The following CAPN1 variants were observed in gnomAD, a reference collection of about 807,000 sequenced individuals.
CAPN1 encodes the protein calpain-1 catalytic subunit.
In CAPN1, 77 loss-of-function variants were observed where a neutral mutation model predicts 105.2. That is an observed-to-expected ratio of 0.73 (90% CI 0.61 to 0.88). The LOEUF (loss-of-function observed/expected upper bound fraction) is 0.88, where lower values mean the gene tolerates loss of function less well. Among genes scored for constraint, CAPN1 ranks in the 40% least tolerant of loss-of-function variants. The pLI, the probability that CAPN1 is intolerant of heterozygous loss-of-function variation, is 0.00. For synonymous variants in CAPN1, 355 were observed against 388.8 expected (o/e 0.91, Z 1.02); for missense variants, 833 against 976.6 (o/e 0.85, Z 1.96).
chr11:65,191,947 T>C (rs1948724539), intron 10 of CAPN1, among the ~76,000 whole-genome samples: 2 of 152,344 alleles, frequency 1.3e-5, no homozygotes, highest in Middle Eastern at 3.4e-3. Flanking sequence ...TAATGAAGTT[T>C]AATATTGTTA....
intron 11 of CAPN1, 89 bp from the exon 12 acceptor site, chr11:65,205,621 T>C (rs1057442747): frequency 2.0e-5 from 27 of 1,330,760 alleles, no homozygotes; most frequent in Non-Finnish European, 2.8e-5. Flanking sequence ...CAGTCCCGTC[T>C]AAGAACTCAA....
intron 12 of CAPN1, 42 bp downstream of exon 12, chr11:65,205,763 G>C: frequency 6.2e-7 from 1 of 1,604,426 alleles, no homozygotes; most frequent in Non-Finnish European, 8.5e-7. Flanking sequence ...ACACACCCCT[G>C]ATGGTGCCAG....
chr11:65,195,380 C>A (rs1948779683), intron 10 of CAPN1, among the ~76,000 whole-genome samples: 1 of 152,106 alleles, frequency 6.6e-6, no homozygotes, highest in African/African-American at 2.4e-5. Context: ...CCCACGTCAG[C>A]CTCCCAAAGT....
intron 10 of CAPN1, among the ~76,000 whole-genome samples, chr11:65,194,413 T>G (rs529825268): frequency 6.6e-6 from 1 of 151,376 alleles, no homozygotes; most frequent in African/African-American, 2.5e-5. Flanking sequence ...TGATACATAG[T>G]GTTTTTGAAA....
chr11:65,210,237 C>G lies in CAPN1; in HGVS notation c.1943-99C>G. On this transcript the variant is annotated intron_variant, in intron 19 of 21. Coordinates refer to ENST00000279247, the MANE Select transcript of CAPN1 (RefSeq NM_005186.4). The surrounding 1 kb of genome is among the most constrained non-coding windows in gnomAD (Gnocchi z 4.3). ...TCCTTTTCCCCACGGTTACTAGCACCCTGCCTAGCCCCAGCCCCCTCCTGG... is the reference window on the plus strand; with the variant it reads ...TCCTTTTCCCCACGGTTACTAGCACGCTGCCTAGCCCCAGCCCCCTCCTGG... 2 of 1,125,564 alleles carry G rather than the reference C, an allele frequency of 1.8e-6. No homozygotes were observed. Among genetic ancestry groups the G allele is most frequent in the Non-Finnish European group, 1.3e-6 (1 of 754,592 alleles). The allele number at this position is 1,125,564 out of a possible 1,614,324, so 69.7% of individuals were successfully genotyped here. A position where few individuals can be genotyped will look rare whatever the true frequency, so the allele number is the denominator to read the frequency against.
Position 65,209,267 on chromosome 11 carries a change from G to A in CAPN1, c.1730-56G>A. ...TCTGCCCCACCCAGTGCTCCCAGCAGGGGCAGGTGCAGGAAGCTCACTAGG... is the reference window on the plus strand; with the variant it reads ...TCTGCCCCACCCAGTGCTCCCAGCAAGGGCAGGTGCAGGAAGCTCACTAGG... On this transcript the variant is annotated intron_variant, in intron 16 of 21. Coordinates refer to ENST00000279247, the MANE Select transcript of CAPN1 (RefSeq NM_005186.4). The surrounding 1 kb of genome is among the most constrained non-coding windows in gnomAD (Gnocchi z 4.1). The A allele has an allele frequency of 6.9e-7, 1 of 1,441,188 alleles. No homozygotes were observed. Among genetic ancestry groups the A allele is most frequent in the Non-Finnish European group, 9.7e-7 (1 of 1,031,956 alleles). 89.3% of individuals were successfully genotyped at this position (1,441,188 alleles called of 1,614,324 possible).
At chr11:65,197,133 T>G (rs1948802156) in intron 10 of CAPN1, among the ~76,000 whole-genome samples, 2 of 152,224 alleles carry the variant, frequency 1.3e-5, no homozygotes, top group African/African-American at 4.8e-5. Flanking sequence ...TCTCAGCCAG[T>G]ACGCTATTCT....
At chr11:65,185,650 G>C (rs573425358) in intron 4 of CAPN1, among the ~76,000 whole-genome samples, 1 of 150,218 alleles carries the variant, frequency 6.7e-6, no homozygotes, top group Non-Finnish European at 1.5e-5. Flanking sequence ...CATGTATCTA[G>C]TATATCTGTA....
At position 65,206,771 on chromosome 11, in the gene CAPN1, T is replaced by C. The variant is rs773572903; in HGVS notation, c.1566-9T>C. 2.3e-5 allele frequency: 37 copies of C among 1,612,384 alleles called. No individual in the cohort carries two copies. The South Asian group carries it at 4.0e-4, about 17-fold the overall frequency. On this transcript the variant is annotated splice_polypyrimidine_tract_variant and intron_variant, in intron 13 of 21. Coordinates refer to ENST00000279247, the MANE Select transcript of CAPN1 (RefSeq NM_005186.4). ...TCTGACTGGCTCCTTTCCTCCCCACTCTCTGCAGGGAGCTGGATGACCAGA... is the reference window on the plus strand; with the variant it reads ...TCTGACTGGCTCCTTTCCTCCCCACCCTCTGCAGGGAGCTGGATGACCAGA...
At position 65,209,181 on chromosome 11, in the gene CAPN1, A is replaced by G. The variant is rs576692252; in HGVS notation, c.1730-142A>G. 1.3e-5 allele frequency: 9 copies of G among 671,492 alleles called. No individual in the cohort carries two copies. In the East Asian group the frequency reaches 2.5e-4, roughly 18 times the overall value. The allele number at this position is 671,492 out of a possible 1,614,324, so 41.6% of individuals were successfully genotyped here. On this transcript the variant is annotated intron_variant, in intron 16 of 21. Transcript: ENST00000279247. This position sits in a 1 kb window ranked among gnomAD's most constrained non-coding sequence, Gnocchi z 4.1. ...CTTGTACTTCCTGATGATACAAACA[A>G]TCCTGCCCACTTCCTCTGCCAGATA...
chr11:65,197,449 G>A (rs567612837), intron 10 of CAPN1, among the ~76,000 whole-genome samples: 22 of 151,800 alleles, frequency 1.4e-4, no homozygotes, highest in African/African-American at 4.1e-4. Context: ...TTCAGCCAAT[G>A]TTTCTATAGC....
chr11:65,183,424 C>A (rs373268116), intron 3 of CAPN1, 50 bp from the exon 4 acceptor site: 4 of 1,425,384 alleles, frequency 2.8e-6, no homozygotes, highest in South Asian at 1.2e-5. Context: ...CCGCTTCCCC[C>A]CCCGGGGCAG....
In CAPN1 at chr11:65,206,549, G is replaced by T. The variant is rs1335436521; in HGVS notation, c.1440G>T (p.Leu480=). 5.6e-6 allele frequency: 9 copies of T among 1,613,460 alleles called. No individual in the cohort carries two copies. The highest frequency in any genetic ancestry group is 1.7e-5 in the Admixed American group (1 of 60,032). ...SRARSEQFIN[L]REVSTRFRLP... ...CGCGCTCAGAGCAGTTCATCAACCTGCGAGAGGTCAGCACCCGCTTCCGCC... is the reference window on the plus strand; with the variant it reads ...CGCGCTCAGAGCAGTTCATCAACCTTCGAGAGGTCAGCACCCGCTTCCGCC... The change falls in exon 13 of 22, where the codon CTG becomes CTT. Residue 480 remains leucine, a synonymous_variant. Coordinates refer to ENST00000279247, the MANE Select transcript of CAPN1 (RefSeq NM_005186.4).
At position 65,204,738 on chromosome 11, in the gene CAPN1, G is replaced by A. The variant is rs1405889144; in HGVS notation, c.1221G>A (p.Pro407=). Residue 407 remains proline, a synonymous_variant, in exon 11 of 22, where the codon CCG becomes CCA. Transcript: ENST00000279247. ...FKIRLDETDD[P]DDYGDRESGC... ...TCCGGCTGGATGAGACGGATGACCC[G>A]GACGACTACGGGGACCGCGAGTCAG... 1.5e-5 allele frequency: 25 copies of A among 1,613,038 alleles called. No individual in the cohort carries two copies. Among genetic ancestry groups the A allele is most frequent in the Non-Finnish European group, 2.0e-5 (24 of 1,179,838 alleles).
Position 65,204,829 on chromosome 11 carries a change from A to C in CAPN1, c.1312A>C (p.Met438Leu), listed in dbSNP as rs749907065. ...CCGCGAGCGCCGCTTCGGCCGCGAC[A>C]TGGAGACTATTGGCTTCGCGGTCTA... Reference protein sequence around the residue: ...RRRERRFGRDMETIGFAVYEV... With the variant: ...RRRERRFGRDLETIGFAVYEV... The change falls in exon 11 of 22, where the codon ATG becomes CTG. Residue 438 changes from methionine (M) to leucine (L), a missense_variant. Transcript: ENST00000279247. The C allele has an allele frequency of 4.3e-6, 7 of 1,611,766 alleles. No homozygotes were observed. Among genetic ancestry groups the C allele is most frequent in the Non-Finnish European group, 8.5e-7 (1 of 1,179,054 alleles).
At position 65,209,418 on chromosome 11, in the gene CAPN1, T is replaced by C; in HGVS notation, c.1794+31T>C. On this transcript the variant is annotated intron_variant, in intron 17 of 21. Coordinates refer to ENST00000279247, the MANE Select transcript of CAPN1 (RefSeq NM_005186.4). This position sits in a 1 kb window ranked among gnomAD's most constrained non-coding sequence, Gnocchi z 4.1. Reference sequence around the variant, plus strand: ...CTTCCGTTTGCTTTTGTCTCCTGAGTGGGGTTTTGGGTGGAGGTATCGGTG... The same window carrying C: ...CTTCCGTTTGCTTTTGTCTCCTGAGCGGGGTTTTGGGTGGAGGTATCGGTG... 6.3e-7 allele frequency: 1 copy of C among 1,589,250 alleles called. No homozygotes were observed. Among genetic ancestry groups the C allele is most frequent in the Admixed American group, 1.7e-5 (1 of 58,638 alleles).
In CAPN1 at chr11:65,210,690, G is replaced by T; in HGVS notation, c.2060-124G>T. ...AGGGGTGAAGCTTCCCAGCTTCAAG[G>T]GGTGTCAGCTTGCGGTACTGTGGGG... On this transcript the variant is annotated intron_variant, in intron 20 of 21. Transcript: ENST00000279247. The surrounding 1 kb of genome is among the most constrained non-coding windows in gnomAD (Gnocchi z 4.3). 1.2e-6 allele frequency: 1 copy of T among 824,608 alleles called. No homozygotes were observed. The allele number at this position is 824,608 out of a possible 1,614,324, so 51.1% of individuals were successfully genotyped here.
intron 10 of CAPN1, among the ~76,000 whole-genome samples, chr11:65,191,500 T>C (rs1461000856): frequency 1.3e-5 from 2 of 152,164 alleles, no homozygotes; most frequent in Non-Finnish European, 2.9e-5. Context: ...TGCCTCAGCT[T>C]CCCGAGTAGC....
At chr11:65,190,932 C>A (rs1948711544) in intron 10 of CAPN1, among the ~76,000 whole-genome samples, 1 of 152,114 alleles carries the variant, frequency 6.6e-6, no homozygotes, top group Non-Finnish European at 1.5e-5. Flanking sequence ...AGGCTGGTTT[C>A]AAACTCAAGT....
Sources: gnomAD v4.1 joint callset for allele counts (sites outside exome capture counted in the v4.1 genomes callset) on GRCh38, gnomAD v4.1.1 for gene constraint, Gnocchi (gnomAD v3.1) non-coding constraint, MANE v1.5 for transcripts, NCBI Gene and HGNC (gene_info 2026-07-23, HGNC 2026-07-21) for gene names.